The following PPP1R13B variants were observed in gnomAD, a reference collection of about 807,000 sequenced individuals.
PPP1R13B encodes the protein protein phosphatase 1 regulatory subunit 13B.
A neutral mutation model predicts 119.8 loss-of-function variants in PPP1R13B; 44 were observed. The ratio of observed to expected loss-of-function variants is 0.37; its 90% CI spans 0.29 to 0.47. The LOEUF (loss-of-function observed/expected upper bound fraction) is 0.47, where lower values mean the gene tolerates loss of function less well. PPP1R13B is among the 20% of genes least tolerant of loss of function. PPP1R13B has a pLI of 0.99. For synonymous variants in PPP1R13B, 542 were observed against 561.5 expected (o/e 0.97, Z 0.49); for missense variants, 1,227 against 1,413.5 (o/e 0.87, Z 2.12).
At chr14:103,745,467 G>A (rs1456648461) in intron 9 of PPP1R13B, among the ~76,000 whole-genome samples, 1 of 152,250 alleles carries the variant, frequency 6.6e-6, no homozygotes, top group Non-Finnish European at 1.5e-5. Context: ...GTCAACCTCA[G>A]TCATAAAGAA....
chr14:103,768,446 G>T (rs578086623), intron 4 of PPP1R13B, among the ~76,000 whole-genome samples: 1 of 152,080 alleles, frequency 6.6e-6, no homozygotes, highest in Non-Finnish European at 1.5e-5. Context: ...ACAGGCGTGC[G>T]CCACCACGCC....
intron 4 of PPP1R13B, among the ~76,000 whole-genome samples, chr14:103,768,500 T>C (rs961225048): frequency 6.6e-6 from 1 of 152,074 alleles, no homozygotes; most frequent in Non-Finnish European, 1.5e-5. Flanking sequence ...GGTTTCACCA[T>C]ATTGGCCAGG....
At chr14:103,799,240 G>A (rs142300494) in intron 1 of PPP1R13B, among the ~76,000 whole-genome samples, 2 of 151,938 alleles carry the variant, frequency 1.3e-5, no homozygotes, top group African/African-American at 2.4e-5. Context: ...GTGCAGTGGC[G>A]CAATCTCGGC....
At chr14:103,780,963 A>T (rs2085323660) in intron 3 of PPP1R13B, among the ~76,000 whole-genome samples, 1 of 152,098 alleles carries the variant, frequency 6.6e-6, no homozygotes. Context: ...CAGAGGGTAG[A>T]GTGTTACAGG....
chr14:103,813,457 C>T (rs1485785060), intron 1 of PPP1R13B, among the ~76,000 whole-genome samples: 1 of 152,164 alleles, frequency 6.6e-6, no homozygotes, highest in African/African-American at 2.4e-5. Flanking sequence ...ATAATTGGAT[C>T]ATGGGGCGGT....
chr14:103,779,981 T>A (rs2085300037), intron 3 of PPP1R13B, among the ~76,000 whole-genome samples: 1 of 151,118 alleles, frequency 6.6e-6, no homozygotes, highest in Admixed American at 6.6e-5. Context: ...AAACCCTGTC[T>A]CTAGTAAAAT....
intron 5 of PPP1R13B, 134 bp from the exon 6 acceptor site, chr14:103,754,378 A>T: frequency 2.8e-6 from 2 of 709,194 alleles, no homozygotes; most frequent in Non-Finnish European, 4.5e-6. Context: ...CAGCCTGGCC[A>T]ACATGGTGAA....
At chr14:103,826,745 ATG>A (rs1277881062) in intron 1 of PPP1R13B, among the ~76,000 whole-genome samples, 2 of 150,714 alleles carry the variant, frequency 1.3e-5, no homozygotes, top group East Asian at 3.9e-4. Context: ...GCAGTGGCTC[ATG>A]CCTGTAATCC....
At chr14:103,765,986 T>TTTTTTATTATTATTATTA (rs141588292) in intron 4 of PPP1R13B, among the ~76,000 whole-genome samples, 29 of 139,060 alleles carry the variant, frequency 2.1e-4, no homozygotes, top group African/African-American at 6.9e-4. Flanking sequence ...AAATTTTTAT[T>TTTTTTATTATTATTATTA]TTATTATTAT....
At chr14:103,778,051 A>C (rs1412329637) in intron 4 of PPP1R13B, among the ~76,000 whole-genome samples, 9 of 143,250 alleles carry the variant, frequency 6.3e-5, no homozygotes, top group East Asian at 4.3e-4. Context: ...TCCTGGGTTC[A>C]AGCGATTCTC....
At chr14:103,749,508 C>T (rs2084483007) in intron 8 of PPP1R13B, among the ~76,000 whole-genome samples, 1 of 152,126 alleles carries the variant, frequency 6.6e-6, no homozygotes, top group South Asian at 2.1e-4. Flanking sequence ...GACTCCAGAG[C>T]CAACAGCATC....
chr14:103,841,240 G>A lies in PPP1R13B; in HGVS notation c.9+6059C>T, dbSNP rs563544343. On this transcript the variant is annotated intron_variant, in intron 1 of 16. Transcript: ENST00000202556. ...ATGGAGGTTGCAGTGGGCTGAGAGGGTGCCACTGCAGTCCAGCCTGTACAA... is the reference window on the plus strand; with the variant it reads ...ATGGAGGTTGCAGTGGGCTGAGAGGATGCCACTGCAGTCCAGCCTGTACAA... 1.1e-4 allele frequency among the ~76,000 whole-genome samples: 17 copies of A among 151,288 alleles called. No homozygotes were observed. The South Asian group carries it at 3.5e-3, about 32-fold the overall frequency.
chr14:103,802,621 C>G (rs998918058), intron 1 of PPP1R13B, among the ~76,000 whole-genome samples: 1 of 152,198 alleles, frequency 6.6e-6, no homozygotes, highest in African/African-American at 2.4e-5. Flanking sequence ...CTTAGGCACT[C>G]ACAGAGGCAC....
rs767277861 is a variant in PPP1R13B, at chr14:103,738,363, CAG to C, written c.2864+314_2864+315del. ...CTGAGGCTGCTTTTCACACGGAGCA[CAG>C]AGTGTGAAGAGTCCATACGGAACAT... On this transcript the variant is annotated intron_variant, in intron 14 of 16. Coordinates refer to ENST00000202556, the MANE Select transcript of PPP1R13B (RefSeq NM_015316.3). The surrounding 1 kb of genome is among the most constrained non-coding windows in gnomAD (Gnocchi z 5.6). 2.1e-5 allele frequency: 8 copies of C among 377,966 alleles called. No individual in the cohort carries two copies. The highest frequency in any genetic ancestry group is 3.9e-5 in the Non-Finnish European group (8 of 204,638). The allele number at this position is 377,966 out of a possible 1,614,324, so 23.4% of individuals were successfully genotyped here.
At chr14:103,810,456 C>G (rs1370135554) in intron 1 of PPP1R13B, among the ~76,000 whole-genome samples, 1 of 151,732 alleles carries the variant, frequency 6.6e-6, no homozygotes, top group Non-Finnish European at 1.5e-5. Context: ...AGTATCAATT[C>G]TGACACCACT....
At chr14:103,811,524 C>A (rs980733883) in intron 1 of PPP1R13B, among the ~76,000 whole-genome samples, 8 of 151,916 alleles carry the variant, frequency 5.3e-5, no homozygotes, top group African/African-American at 1.9e-4. Context: ...CCCATCTCTA[C>A]AAAAAACACA....
chr14:103,763,287 G>A, intron 4 of PPP1R13B: 2 of 383,718 alleles, frequency 5.2e-6, no homozygotes, highest in Non-Finnish European at 9.5e-6. Flanking sequence ...TTAGCACAGT[G>A]CGTCCATTTA....
intron 1 of PPP1R13B, among the ~76,000 whole-genome samples, chr14:103,842,908 C>A (rs138077662): frequency 0.022 from 3,342 of 151,894 alleles, 112 homozygotes; most frequent in African/African-American, 0.076. Flanking sequence ...ACCCGGGAGG[C>A]GGAGGTTGCA....
At chr14:103,762,909 G>A in intron 4 of PPP1R13B, 2 of 944,122 alleles carry the variant, frequency 2.1e-6, no homozygotes, top group Admixed American at 4.0e-5. Context: ...ATTTCCATCA[G>A]GACAAACAGC....
Sources: allele counts gnomAD v4.1 joint callset (sites outside exome capture counted in the v4.1 genomes callset), GRCh38; gene constraint gnomAD v4.1.1; non-coding constraint Gnocchi (gnomAD v3.1); transcripts MANE v1.5; gene names NCBI Gene and HGNC (gene_info 2026-07-23, HGNC 2026-07-21).